The following RBMS3 variants were observed in gnomAD, a reference collection of about 807,000 sequenced individuals.
RBMS3 encodes the protein RNA binding motif single stranded interacting protein 3, also known as RNA-binding motif, single-stranded-interacting protein 3.
RBMS3 carries 27 observed loss-of-function variants against 66.8 expected under a neutral mutation model. That is an observed-to-expected ratio of 0.40 (90% CI 0.30 to 0.56). RBMS3 has a LOEUF of 0.56. Ranked by LOEUF, RBMS3 falls within the 20% of genes least tolerant of loss-of-function variation. RBMS3 has a pLI of 0.40. For synonymous variants in RBMS3, 188 were observed against 183.0 expected (o/e 1.03, Z -0.22); for missense variants, 513 against 549.5 (o/e 0.93, Z 0.66).
chr3:29,553,563 G>A (rs917633519), intron 3 of RBMS3, among the ~76,000 whole-genome samples: 2 of 152,012 alleles, frequency 1.3e-5, no homozygotes, highest in African/African-American at 4.8e-5. Flanking sequence ...TGGGCTGAGG[G>A]TGCTGCCCAG....
chr3:29,945,286 G>A (rs868102460), intron 12 of RBMS3, among the ~76,000 whole-genome samples: 5 of 151,728 alleles, frequency 3.3e-5, no homozygotes, highest in East Asian at 1.9e-4. Flanking sequence ...TTGGCCACCC[G>A]TTTGCTTGAC....
chr3:29,950,579 G>A (rs1022315846), intron 12 of RBMS3, among the ~76,000 whole-genome samples: 4 of 151,976 alleles, frequency 2.6e-5, no homozygotes, highest in South Asian at 4.1e-4. Flanking sequence ...AGGCATGCGA[G>A]AGACATCTGA....
intron 8 of RBMS3, among the ~76,000 whole-genome samples, chr3:29,891,809 G>T (rs528137311): frequency 2.6e-5 from 4 of 151,604 alleles, no homozygotes; most frequent in South Asian, 2.1e-4. Flanking sequence ...GGAATCTAAT[G>T]TGAAGGATAC....
intron 6 of RBMS3, among the ~76,000 whole-genome samples, chr3:29,848,742 G>A (rs536535969): frequency 3.5e-4 from 54 of 152,118 alleles, no homozygotes; most frequent in Non-Finnish European, 6.3e-4. Flanking sequence ...ATAAATATGT[G>A]AAAGCAACCA....
chr3:29,379,763 G>A (rs1178741647), intron 1 of RBMS3, among the ~76,000 whole-genome samples: 1 of 152,158 alleles, frequency 6.6e-6, no homozygotes, highest in Non-Finnish European at 1.5e-5. Context: ...CTATATACCA[G>A]GTATCAAGCT....
chr3:29,428,670 A>G (rs954073168), intron 1 of RBMS3, among the ~76,000 whole-genome samples: 38 of 152,132 alleles, frequency 2.5e-4, no homozygotes, highest in African/African-American at 8.4e-4. Flanking sequence ...CAGTTGATTC[A>G]CTTTTCAAAC....
chr3:29,413,624 C>T (rs1292844874), intron 1 of RBMS3, among the ~76,000 whole-genome samples: 1 of 152,150 alleles, frequency 6.6e-6, no homozygotes, highest in Non-Finnish European at 1.5e-5. Flanking sequence ...CAGTAGGATT[C>T]TAGGTACATC....
At chr3:29,296,315 A>AT (rs1559468120) in intron 1 of RBMS3, among the ~76,000 whole-genome samples, 1 of 151,558 alleles carries the variant, frequency 6.6e-6, no homozygotes, top group African/African-American at 2.4e-5. Flanking sequence ...TAGAACACAT[A>AT]TTTTTTTCCA....
At chr3:29,701,506 CACT>C (rs1221806551) in intron 4 of RBMS3, among the ~76,000 whole-genome samples, 7 of 152,274 alleles carry the variant, frequency 4.6e-5, no homozygotes, top group Admixed American at 4.6e-4. Context: ...CCTGCTGCTG[CACT>C]ATGGGAGCCC....
At chr3:29,746,288 G>A (rs17616103) in intron 5 of RBMS3, among the ~76,000 whole-genome samples, 3,430 of 152,064 alleles carry the variant, frequency 0.023, 51 homozygotes, top group Non-Finnish European at 0.032. Context: ...TTTCTCCCTC[G>A]CTATTTTGGC....
chr3:29,351,175 T>G (rs1346782697), intron 1 of RBMS3, among the ~76,000 whole-genome samples: 1 of 152,138 alleles, frequency 6.6e-6, no homozygotes, highest in African/African-American at 2.4e-5. Context: ...TAGTCCACTC[T>G]TATGGAGGCT....
chr3:29,846,929 A>G (rs1007412774), intron 6 of RBMS3, among the ~76,000 whole-genome samples: 5 of 152,190 alleles, frequency 3.3e-5, no homozygotes, highest in South Asian at 4.1e-4. Context: ...AAAATATTAG[A>G]GTGAAATTTT....
At chr3:29,736,373 A>G (rs1356441524) in intron 4 of RBMS3, among the ~76,000 whole-genome samples, 1 of 152,222 alleles carries the variant, frequency 6.6e-6, no homozygotes, top group Non-Finnish European at 1.5e-5. Flanking sequence ...TCCCTTATGT[A>G]CTAAGCTCTG....
chr3:29,378,925 A>C (rs1239580299), intron 1 of RBMS3, among the ~76,000 whole-genome samples: 1 of 152,306 alleles, frequency 6.6e-6, no homozygotes. Context: ...TATTTGGGAG[A>C]CTATCTCTCA....
At chr3:29,762,231 A>T (rs902970227) in intron 5 of RBMS3, among the ~76,000 whole-genome samples, 2 of 152,128 alleles carry the variant, frequency 1.3e-5, no homozygotes, top group Admixed American at 1.3e-4. Flanking sequence ...ATAGAACCTA[A>T]GGTTTGTGTA....
chr3:29,819,897 A>G (rs1305545493), intron 6 of RBMS3, among the ~76,000 whole-genome samples: 1 of 152,156 alleles, frequency 6.6e-6, no homozygotes, highest in Non-Finnish European at 1.5e-5. Context: ...TACTCCTTAT[A>G]TAAAACATTA....
chr3:29,349,664 C>T (rs76786587), intron 1 of RBMS3, among the ~76,000 whole-genome samples: 8,752 of 152,230 alleles, frequency 0.057, 270 homozygotes, highest in Middle Eastern at 0.071. Flanking sequence ...CTCTCTGTCA[C>T]CCTACTCTGA....
chr3:29,289,773 A>G (rs1156301565), intron 1 of RBMS3, among the ~76,000 whole-genome samples: 3 of 151,808 alleles, frequency 2.0e-5, no homozygotes, highest in Admixed American at 2.0e-4. Context: ...AAGTTTTAGG[A>G]GCTGACATTT....
At chr3:29,654,081 C>G (rs73050316) in intron 4 of RBMS3, among the ~76,000 whole-genome samples, 17,144 of 152,144 alleles carry the variant, frequency 0.11, 1,043 homozygotes, top group Middle Eastern at 0.23. Context: ...GGTAGTAAGT[C>G]AATTTGAAGG....
Sources: allele counts gnomAD v4.1 joint callset (sites outside exome capture counted in the v4.1 genomes callset), GRCh38; gene constraint gnomAD v4.1.1; transcripts MANE v1.5; gene names NCBI Gene and HGNC (gene_info 2026-07-23, HGNC 2026-07-21).